The following SPNS3 variants were observed in gnomAD, a reference collection of about 807,000 sequenced individuals.
SPNS3 encodes the protein protein spinster homolog 3.
A neutral mutation model predicts 54.4 loss-of-function variants in SPNS3; 51 were observed. The ratio of observed to expected loss-of-function variants is 0.94; its 90% CI spans 0.75 to 1.18. The LOEUF (loss-of-function observed/expected upper bound fraction) is 1.18. Ranked by LOEUF, SPNS3 falls within the 50% of genes most tolerant of loss-of-function variation. SPNS3 has a pLI of 0.00. For synonymous variants in SPNS3, 309 were observed against 294.7 expected (o/e 1.05, Z -0.50); for missense variants, 669 against 677.4 (o/e 0.99, Z 0.14).
chr17:4,442,390 AGGTGTGGTG>A (rs1970875145), intron 2 of SPNS3, among the ~76,000 whole-genome samples: 1 of 151,980 alleles, frequency 6.6e-6, no homozygotes, highest in African/African-American at 2.4e-5. Context: ...AAAATTAGCC[AGGTGTGGTG>A]GCAGGTGCCT....
chr17:4,463,634 G>T (rs754762528), intron 8 of SPNS3, among the ~76,000 whole-genome samples: 117 of 151,300 alleles, frequency 7.7e-4, no homozygotes, highest in Non-Finnish European at 1.4e-3. Context: ...AGCTACTTTG[G>T]AGGCTGAGGT....
chr17:4,444,837 C>G, intron 2 of SPNS3, 195 bp from the exon 3 acceptor site: 1 of 675,656 alleles, frequency 1.5e-6, no homozygotes, highest in South Asian at 2.0e-5. Context: ...ATTGAGGCCT[C>G]CACACTCTGG....
At position 4,478,626 on chromosome 17, in the gene SPNS3, G is replaced by A. The variant is rs140210454; in HGVS notation, c.1168G>A (p.Asp390Asn). The A allele has an allele frequency of 2.3e-4, 362 of 1,589,102 alleles. No individual in the cohort carries two copies. The highest frequency in any genetic ancestry group is 5.6e-5 in the Non-Finnish European group (65 of 1,167,736). Residue 390 changes from aspartate (D) to asparagine (N), a missense_variant, in exon 9 of 12, where the codon GAC becomes AAC. Coordinates refer to ENST00000355530, the MANE Select transcript of SPNS3 (RefSeq NM_182538.5). ...GTCCTGCAACTGGGCAGTGGTTGCCGACATCCTGCTGGTAGGTGTGGGAGT... is the reference window on the plus strand; with the variant it reads ...GTCCTGCAACTGGGCAGTGGTTGCCAACATCCTGCTGGTAGGTGTGGGAGT... The part of the protein sequence containing the change: ...LLSCNWAVVA[D>N]ILLSVVVPRC...
At chr17:4,444,848 G>A in intron 2 of SPNS3, 184 bp from the exon 3 acceptor site, 3 of 716,406 alleles carry the variant, frequency 4.2e-6, no homozygotes, top group Non-Finnish European at 7.0e-6. Context: ...CACACTCTGG[G>A]CTGCGGCTGC....
intron 8 of SPNS3, among the ~76,000 whole-genome samples, chr17:4,477,366 G>T (rs1251742559): frequency 6.6e-6 from 1 of 152,232 alleles, no homozygotes; most frequent in African/African-American, 2.4e-5. Flanking sequence ...GGTGCTCCCT[G>T]GCCACTGATC....
rs1227592016 is a variant in SPNS3 at position 4,452,997 on chromosome 17, C to T, written c.924-19C>T. 6.2e-7 allele frequency: 1 copy of T among 1,608,432 alleles called. No homozygotes were observed. The highest frequency in any genetic ancestry group is 8.5e-7 in the Non-Finnish European group (1 of 1,176,644). Reference sequence around the variant, plus strand: ...AAGCTCACCCAGCTGACCAACCCTTCTGTGCTCTTCCCCATCAGCCTGATT... The same window carrying T: ...AAGCTCACCCAGCTGACCAACCCTTTTGTGCTCTTCCCCATCAGCCTGATT... On this transcript the variant is annotated intron_variant, in intron 7 of 11. Transcript: ENST00000355530.
intron 5 of SPNS3, among the ~76,000 whole-genome samples, chr17:4,447,255 AATGCTACCTAAGGCATCTTGAGG>A (rs1002801802): frequency 1.3e-5 from 2 of 152,148 alleles, no homozygotes; most frequent in African/African-American, 4.8e-5. Context: ...GGGGGTACTA[AATGCTACCTAAGGCATCTTGAGG>A]ATCAGTGAGA....
At chr17:4,447,345 T>G (rs16953942) in intron 5 of SPNS3, among the ~76,000 whole-genome samples, 33,162 of 152,216 alleles carry the variant, frequency 0.22, 4,117 homozygotes, top group African/African-American at 0.34. Context: ...CCTTGAGGAC[T>G]GGCAGCTAGG....
intron 8 of SPNS3, among the ~76,000 whole-genome samples, chr17:4,465,304 G>A (rs370953618): frequency 3.1e-4 from 47 of 152,308 alleles, no homozygotes; most frequent in East Asian, 1.7e-3. Flanking sequence ...CTGAGATAGC[G>A]GGCCAGGTAG....
rs544126823 is a variant in SPNS3, at chr17:4,481,662, G to A, written c.1179+3025G>A. Among the ~76,000 whole-genome samples, 4 of 152,312 alleles carry A rather than the reference G, an allele frequency of 2.6e-5. No individual in the cohort carries two copies. In the South Asian group the frequency reaches 8.3e-4, roughly 32 times the overall value. ...AGCAGCCCATCTGCTCCCACTCCCA[G>A]CCTGGCTCCTCACTAGCTGTGTGAC... On this transcript the variant is annotated intron_variant, in intron 9 of 11. Transcript: ENST00000355530.
chr17:4,479,575 G>A (rs899359808), intron 9 of SPNS3, among the ~76,000 whole-genome samples: 1 of 152,228 alleles, frequency 6.6e-6, no homozygotes, highest in Non-Finnish European at 1.5e-5. Flanking sequence ...TGTAGATAAC[G>A]CAGGGCCCTG....
intron 8 of SPNS3, among the ~76,000 whole-genome samples, chr17:4,474,460 C>G (rs894210618): frequency 1.3e-5 from 2 of 152,092 alleles, no homozygotes; most frequent in Non-Finnish European, 2.9e-5. Flanking sequence ...GGATACTGGC[C>G]TTCTCCCTTC....
intron 9 of SPNS3, among the ~76,000 whole-genome samples, chr17:4,485,929 C>T (rs1406394880): frequency 6.6e-6 from 1 of 152,256 alleles, no homozygotes; most frequent in Non-Finnish European, 1.5e-5. Flanking sequence ...ACCCCAGCCT[C>T]ATTCACTGTG....
At chr17:4,437,591 C>A (rs8064762) in intron 1 of SPNS3, among the ~76,000 whole-genome samples, 8 of 151,728 alleles carry the variant, frequency 5.3e-5, no homozygotes, top group Non-Finnish European at 7.4e-5. Context: ...TGCCTGAACC[C>A]AGGAGGCAGA....
At chr17:4,434,267 C>T (rs1011899580) in intron 1 of SPNS3, 101 bp downstream of exon 1, 3 of 1,180,418 alleles carry the variant, frequency 2.5e-6, no homozygotes, top group Non-Finnish European at 3.6e-6. Context: ...CATCTTTCTG[C>T]TCCTGGGCCC....
chr17:4,469,998 G>T (rs1184123588), intron 8 of SPNS3, among the ~76,000 whole-genome samples: 2 of 152,042 alleles, frequency 1.3e-5, no homozygotes, highest in African/African-American at 4.8e-5. Flanking sequence ...TTCTATATTT[G>T]TTATTTAATT....
intron 8 of SPNS3, among the ~76,000 whole-genome samples, chr17:4,472,808 G>A (rs1290520731): frequency 3.1e-5 from 1 of 32,180 alleles, no homozygotes; most frequent in African/African-American, 2.1e-4. Flanking sequence ...TTTTTTTTTT[G>A]AGGATTTTGC....
intron 8 of SPNS3, among the ~76,000 whole-genome samples, chr17:4,457,237 A>T (rs903579): frequency 0.48 from 72,784 of 152,068 alleles, 21,097 homozygotes; most frequent in Non-Finnish European, 0.63. Context: ...ACAGAAAATT[A>T]AAAAATTAGT....
intron 5 of SPNS3, 109 bp downstream of exon 5, chr17:4,447,071 GA>G: frequency 4.6e-6 from 5 of 1,098,388 alleles, no homozygotes; most frequent in Middle Eastern, 2.0e-4. Flanking sequence ...CCATTAGGGG[GA>G]CGGGGGGTGG....
Sources: allele counts gnomAD v4.1 joint callset (sites outside exome capture counted in the v4.1 genomes callset), GRCh38; gene constraint gnomAD v4.1.1; transcripts MANE v1.5; gene names NCBI Gene and HGNC (gene_info 2026-07-23, HGNC 2026-07-21).